Variants in TMPRSS15 observed in about 807,000 individuals in gnomAD.
The protein encoded by TMPRSS15 is transmembrane serine protease 15.
In TMPRSS15, 128 loss-of-function variants were observed where a neutral mutation model predicts 125.3. That is an observed-to-expected ratio of 1.02 (90% CI 0.89 to 1.18). The LOEUF (loss-of-function observed/expected upper bound fraction) is 1.18, where lower values mean the gene tolerates loss of function less well. TMPRSS15 is among the 50% of genes most tolerant of loss of function. The pLI, the probability that TMPRSS15 is intolerant of heterozygous loss-of-function variation, is 0.00. For synonymous variants in TMPRSS15, 446 were observed against 423.2 expected, an observed-to-expected ratio of 1.05 and a Z score of -0.66; for missense variants, 1,283 against 1,212.7, an observed-to-expected ratio of 1.06 and a Z score of -0.86.
intron 23 of TMPRSS15, among the ~76,000 whole-genome samples, chr21:18,277,423 T>C (rs2074635313): frequency 6.6e-6 from 1 of 152,226 alleles, no homozygotes; most frequent in South Asian, 2.1e-4. Flanking sequence ...GTCTTTTAGC[T>C]TGAAGTCTGA....
intron 3 of TMPRSS15, among the ~76,000 whole-genome samples, chr21:18,386,961 T>A (rs2075949400): frequency 6.6e-6 from 1 of 152,214 alleles, no homozygotes; most frequent in Non-Finnish European, 1.5e-5. Context: ...GCATAAAACA[T>A]TTTTCTTTGA....
chr21:18,469,565 A>G (rs1257268170), intron 1 of TMPRSS15, among the ~76,000 whole-genome samples: 1 of 152,154 alleles, frequency 6.6e-6, no homozygotes, highest in Non-Finnish European at 1.5e-5. Flanking sequence ...TGCTCCTCAT[A>G]TAAGCTATTA....
chr21:18,313,971 A>C (rs2075130377), intron 17 of TMPRSS15, among the ~76,000 whole-genome samples: 1 of 152,084 alleles, frequency 6.6e-6, no homozygotes, highest in Admixed American at 6.6e-5. Flanking sequence ...ATCATTTTAC[A>C]ACCATTTTGA....
chr21:18,436,531 C>G (rs989749942), intron 1 of TMPRSS15, among the ~76,000 whole-genome samples: 18 of 151,808 alleles, frequency 1.2e-4, no homozygotes, highest in African/African-American at 4.3e-4. Flanking sequence ...GATTGTATAT[C>G]TAGAAAACCC....
At chr21:18,387,343 A>G (rs1029687051) in intron 3 of TMPRSS15, among the ~76,000 whole-genome samples, 1 of 152,172 alleles carries the variant, frequency 6.6e-6, no homozygotes, top group African/African-American at 2.4e-5. Context: ...GCAAAATATT[A>G]GTTATCTCAT....
At chr21:18,348,388 G>C (rs2146998658) in intron 10 of TMPRSS15, among the ~76,000 whole-genome samples, 1 of 152,262 alleles carries the variant, frequency 6.6e-6, no homozygotes, top group South Asian at 2.1e-4. Flanking sequence ...ATCTGATATA[G>C]AGATAGCAGA....
intron 1 of TMPRSS15, among the ~76,000 whole-genome samples, chr21:18,463,150 T>C (rs960356135): frequency 6.8e-6 from 1 of 146,632 alleles, no homozygotes; most frequent in African/African-American, 2.5e-5. Flanking sequence ...TCAAGACCCA[T>C]CGGGGTGCTG....
intron 1 of TMPRSS15, among the ~76,000 whole-genome samples, chr21:18,461,568 G>A (rs1424797645): frequency 6.6e-6 from 1 of 152,044 alleles, no homozygotes; most frequent in Non-Finnish European, 1.5e-5. Flanking sequence ...TTCAGGAAGG[G>A]AAAATCAATA....
chr21:18,401,201 C>G (rs757516546), intron 1 of TMPRSS15, among the ~76,000 whole-genome samples: 48 of 152,118 alleles, frequency 3.2e-4, no homozygotes, highest in Non-Finnish European at 6.3e-4. Context: ...AACAGAAATA[C>G]CATTTGACCC....
At chr21:18,417,491 A>G (rs2076182986) in intron 1 of TMPRSS15, among the ~76,000 whole-genome samples, 1 of 152,310 alleles carries the variant, frequency 6.6e-6, no homozygotes, top group Admixed American at 6.5e-5. Flanking sequence ...GCAATTTTCT[A>G]TGTCAAGATA....
intron 1 of TMPRSS15, among the ~76,000 whole-genome samples, chr21:18,438,520 C>G (rs1171452768): frequency 2.0e-5 from 3 of 152,094 alleles, no homozygotes; most frequent in Non-Finnish European, 4.4e-5. Context: ...TCTAGATCAT[C>G]TCTTATACCA....
At chr21:18,282,475 T>C (rs1336768601) in intron 21 of TMPRSS15, among the ~76,000 whole-genome samples, 1 of 152,156 alleles carries the variant, frequency 6.6e-6, no homozygotes, top group African/African-American at 2.4e-5. Context: ...AAAGTCCAAG[T>C]CACTTCCAGA....
At chr21:18,432,872 T>G (rs2123214693) in intron 1 of TMPRSS15, among the ~76,000 whole-genome samples, 1 of 152,244 alleles carries the variant, frequency 6.6e-6, no homozygotes, top group South Asian at 2.1e-4. Flanking sequence ...TCTTCTCTAG[T>G]TTTTATACTC....
chr21:18,347,808 C>T (rs1442829520), intron 10 of TMPRSS15, among the ~76,000 whole-genome samples: 1 of 152,030 alleles, frequency 6.6e-6, no homozygotes, highest in Non-Finnish European at 1.5e-5. Context: ...TTTTCTAGAG[C>T]TCTTAGAATC....
chr21:18,386,469 C>T (rs188716904), intron 3 of TMPRSS15, among the ~76,000 whole-genome samples: 1 of 152,122 alleles, frequency 6.6e-6, no homozygotes, highest in East Asian at 1.9e-4. Context: ...ATTTTATATA[C>T]AAATAGATGA....
At chr21:18,282,741 T>C (rs149616088) in intron 21 of TMPRSS15, among the ~76,000 whole-genome samples, 1 of 152,284 alleles carries the variant, frequency 6.6e-6, no homozygotes, top group African/African-American at 2.4e-5. Context: ...ATCATAATTT[T>C]ACAATGGGAA....
chr21:18,308,012 G>A (rs2824728), intron 18 of TMPRSS15, among the ~76,000 whole-genome samples: 81,028 of 152,020 alleles, frequency 0.53, 23,023 homozygotes, highest in African/African-American at 0.74. Flanking sequence ...GGGCACTTGG[G>A]CGCATCAATT....
intron 5 of TMPRSS15, among the ~76,000 whole-genome samples, chr21:18,373,755 T>C (rs2075814693): frequency 6.6e-6 from 1 of 152,202 alleles, no homozygotes; most frequent in African/African-American, 2.4e-5. Flanking sequence ...TCCTGATGTA[T>C]CACATCTCTG....
intron 24 of TMPRSS15, 56 bp from the exon 25 acceptor site, chr21:18,270,180 T>C: frequency 7.0e-7 from 1 of 1,427,568 alleles, no homozygotes; most frequent in Non-Finnish European, 9.8e-7. Flanking sequence ...GATCGAAACA[T>C]ATAAAATTAT....
Sources: allele counts gnomAD v4.1 joint callset (sites outside exome capture counted in the v4.1 genomes callset), GRCh38; gene constraint gnomAD v4.1.1; transcripts MANE v1.5; gene names NCBI Gene and HGNC (gene_info 2026-07-23, HGNC 2026-07-21).